Variants in C8orf74 observed in about 807,000 individuals in gnomAD.
C8orf74 encodes the protein uncharacterized protein C8orf74.
A neutral mutation model predicts 22.2 loss-of-function variants in C8orf74; 29 were observed. That is an observed-to-expected ratio of 1.31 (90% CI 0.97 to 1.78). The LOEUF (loss-of-function observed/expected upper bound fraction) is 1.78, where lower values mean the gene tolerates loss of function less well. Among genes scored for constraint, C8orf74 ranks in the 40% most tolerant of loss-of-function variants. The pLI is 0.00. For synonymous variants in C8orf74, 255 were observed against 163.1 expected, an observed-to-expected ratio of 1.56 and a Z score of -4.30; for missense variants, 515 against 369.9, an observed-to-expected ratio of 1.39 and a Z score of -3.22.
chr8:10,693,929 C>G (rs1207277670), intron 2 of C8orf74, among the ~76,000 whole-genome samples: 1 of 152,246 alleles, frequency 6.6e-6, no homozygotes, highest in Non-Finnish European at 1.5e-5. Context: ...TTGCCATCAT[C>G]TGCCTCCACC....
intron 2 of C8orf74, among the ~76,000 whole-genome samples, chr8:10,696,837 G>A (rs896521044): frequency 2.0e-5 from 3 of 151,042 alleles, no homozygotes; most frequent in East Asian, 2.0e-4. Context: ...AAAGCACAGC[G>A]AAAGTAACTC....
intron 2 of C8orf74, among the ~76,000 whole-genome samples, chr8:10,684,616 C>G (rs907974428): frequency 2.1e-4 from 32 of 152,216 alleles, no homozygotes; most frequent in African/African-American, 7.2e-4. Flanking sequence ...TTCAAAACCC[C>G]AAGGGGTGCC....
intron 2 of C8orf74, chr8:10,688,262 G>A (rs146017109): frequency 6.6e-6 from 1 of 151,200 alleles, no homozygotes; most frequent in African/African-American, 2.4e-5. Context: ...GCAACCAAAA[G>A]CCTCTTTCTG....
chr8:10,682,328 G>A (rs1014921504), intron 2 of C8orf74, among the ~76,000 whole-genome samples: 2 of 152,186 alleles, frequency 1.3e-5, no homozygotes, highest in East Asian at 3.8e-4. Context: ...AGATGCCTCC[G>A]TGCAGTATTA....
chr8:10,699,910 G>A (rs765018425), intron 3 of C8orf74, among the ~76,000 whole-genome samples: 3 of 152,254 alleles, frequency 2.0e-5, no homozygotes, highest in Non-Finnish European at 2.9e-5. Flanking sequence ...AAAAGAAAAG[G>A]GAGGGAATGA....
chr8:10,677,523 C>T (rs1799058288), intron 2 of C8orf74, among the ~76,000 whole-genome samples: 1 of 152,104 alleles, frequency 6.6e-6, no homozygotes, highest in South Asian at 2.1e-4. Context: ...TCTTCAGATG[C>T]TATATATAAT....
At chr8:10,698,037 A>C (rs1586055418) in intron 3 of C8orf74, 32 bp downstream of exon 3, 1 of 1,443,326 alleles carries the variant, frequency 6.9e-7, no homozygotes, top group South Asian at 1.4e-5. Flanking sequence ...GTGGGTGGGC[A>C]CCTGGGCCTG....
intron 2 of C8orf74, chr8:10,691,029 A>G: frequency 2.3e-6 from 1 of 434,566 alleles, no homozygotes; most frequent in Non-Finnish European, 4.7e-6. Context: ...CCACTTTCTG[A>G]GTCACCAGGA....
At chr8:10,680,998 TTTG>T (rs1799137181) in intron 2 of C8orf74, among the ~76,000 whole-genome samples, 1 of 151,512 alleles carries the variant, frequency 6.6e-6, no homozygotes. Context: ...CAGGGATGTT[TTTG>T]TTGTTGTTAA....
chr8:10,684,370 C>T (rs1162867745), intron 2 of C8orf74, among the ~76,000 whole-genome samples: 1 of 152,198 alleles, frequency 6.6e-6, no homozygotes, highest in Non-Finnish European at 1.5e-5. Context: ...GGCCAAGTCT[C>T]CTAAGCAGAC....
chr8:10,676,180 A>C (rs1159183942), intron 2 of C8orf74, among the ~76,000 whole-genome samples: 2 of 152,194 alleles, frequency 1.3e-5, no homozygotes, highest in Admixed American at 6.5e-5. Context: ...TTTCCAAAAA[A>C]GTATAATAAT....
intron 2 of C8orf74, chr8:10,687,286 G>T: frequency 5.6e-6 from 2 of 354,352 alleles, no homozygotes; most frequent in Middle Eastern, 3.9e-4. Context: ...GAACACTGCT[G>T]CCCATGTCTC....
At chr8:10,692,850 C>G (rs1799411437) in intron 2 of C8orf74, 2 of 152,296 alleles carry the variant, frequency 1.3e-5, no homozygotes, top group South Asian at 4.1e-4. Flanking sequence ...GGGCACTGCT[C>G]TGGCACTTGG....
intron 2 of C8orf74, among the ~76,000 whole-genome samples, chr8:10,695,087 G>T (rs532346830): frequency 1.3e-5 from 2 of 152,022 alleles, no homozygotes; most frequent in African/African-American, 4.8e-5. Flanking sequence ...AGGGAAGGCT[G>T]GATGGGGGAG....
intron 2 of C8orf74, among the ~76,000 whole-genome samples, chr8:10,684,076 T>G (rs1012495651): frequency 6.6e-6 from 1 of 152,144 alleles, no homozygotes; most frequent in Non-Finnish European, 1.5e-5. Context: ...GGGAAGGGGA[T>G]GATGATCATA....
At chr8:10,695,139 AAATT>A (rs1283654458) in intron 2 of C8orf74, among the ~76,000 whole-genome samples, 7 of 152,158 alleles carry the variant, frequency 4.6e-5, no homozygotes, top group African/African-American at 1.7e-4. Context: ...AGGTAGAAAT[AAATT>A]CTTTCTACAG....
chr8:10,672,841 G>T (rs80181543), intron 1 of C8orf74, 128 bp downstream of exon 1: 14,698 of 776,232 alleles, frequency 0.019, 645 homozygotes, highest in African/African-American at 0.12. Context: ...CAGCACCTCT[G>T]AGGCTGTGAC....
intron 2 of C8orf74, chr8:10,675,726 C>G (rs1048899667): frequency 6.6e-6 from 1 of 152,132 alleles, no homozygotes; most frequent in Non-Finnish European, 1.5e-5. Context: ...GTGATGGTTC[C>G]AACAAAGACT....
intron 2 of C8orf74, among the ~76,000 whole-genome samples, chr8:10,694,893 T>C (rs1292645295): frequency 2.0e-5 from 3 of 151,680 alleles, no homozygotes; most frequent in Non-Finnish European, 4.4e-5. Flanking sequence ...GATGGAAGAA[T>C]GGATGGACGA....
Sources: allele counts gnomAD v4.1 joint callset (sites outside exome capture counted in the v4.1 genomes callset), GRCh38; gene constraint gnomAD v4.1.1; transcripts MANE v1.5; gene names NCBI Gene and HGNC (gene_info 2026-07-23, HGNC 2026-07-21).